The following IFI35 variants were observed in gnomAD, a reference collection of about 807,000 sequenced individuals.
IFI35 encodes interferon-induced 35 kDa protein.
A neutral mutation model predicts 28.6 loss-of-function variants in IFI35; 30 were observed. The ratio of observed to expected loss-of-function variants is 1.05; its 90% CI spans 0.79 to 1.43. The LOEUF is 1.43. Among genes scored for constraint, IFI35 ranks in the 40% most tolerant of loss-of-function variants. The pLI is 0.00. For synonymous variants in IFI35, 146 were observed against 154.8 expected, an observed-to-expected ratio of 0.94 and a Z score of 0.42; for missense variants, 372 against 356.9, an observed-to-expected ratio of 1.04 and a Z score of -0.34.
intron 1 of IFI35, 32 bp downstream of exon 1, chr17:43,007,000 G>C (rs965031012): frequency 1.2e-6 from 2 of 1,611,456 alleles, no homozygotes; most frequent in African/African-American, 2.7e-5. Context: ...GGGAAGTGGG[G>C]AAACAGGAGT....
In IFI35 at chr17:43,013,579, G is replaced by C; in HGVS notation, c.479G>C (p.Gly160Ala). 4.3e-6 allele frequency: 7 copies of C among 1,614,144 alleles called. No homozygotes were observed. The highest frequency in any genetic ancestry group is 5.9e-6 in the Non-Finnish European group (7 of 1,180,008). Reference sequence around the variant, plus strand: ...CTGGACAAGCTAGAGATCTTCTTTGGCAAGACTAGGAACGGAGGTGGCGAT... The same window carrying C: ...CTGGACAAGCTAGAGATCTTCTTTGCCAAGACTAGGAACGGAGGTGGCGAT... Reference protein sequence around the residue: ...ELLDKLEIFFGKTRNGGGDVD... With the variant: ...ELLDKLEIFFAKTRNGGGDVD... Residue 160 changes from glycine to alanine, a missense_variant, in exon 5 of 7, where the codon GGC becomes GCC. Transcript: ENST00000415816.
rs1275089790 is a variant in IFI35 at position 43,014,231 on chromosome 17, G to C, written c.793G>C (p.Val265Leu). Residue 265 changes from valine to leucine, a missense_variant, in exon 7 of 7, where the codon GTA becomes CTA. Transcript: ENST00000415816. ...GAAGCCCACCCGCGGGGGCGGGGAG[G>C]TAGAGGCCCTGACAGTCGTACCCCA... ...FQKPTRGGGEVEALTVVPQGQ... is the reference protein window; with the variant it reads ...FQKPTRGGGELEALTVVPQGQ... 1 of 1,612,304 alleles carries C rather than the reference G, an allele frequency of 6.2e-7. No individual in the cohort carries two copies. Among genetic ancestry groups the C allele is most frequent in the African/African-American group, 1.3e-5 (1 of 75,014 alleles).
intron 6 of IFI35, 62 bp downstream of exon 6, chr17:43,013,944 T>C (rs1375355937): frequency 1.4e-6 from 2 of 1,386,014 alleles, no homozygotes; most frequent in Non-Finnish European, 2.0e-6. Context: ...GCCAGGAACT[T>C]GCCCAATGAA....
rs1378702889 is a variant in IFI35, at chr17:43,012,269, A to G, written c.112A>G (p.Lys38Glu). The G allele has an allele frequency of 6.4e-7, 1 of 1,568,588 alleles. No individual in the cohort carries two copies. Among genetic ancestry groups the G allele is most frequent in the Non-Finnish European group, 8.6e-7 (1 of 1,156,182 alleles). ...QLRKELGDSP[K>E]DKVPFSVPKI... Reference sequence around the variant, plus strand: ...GAGAAAGGAGCTCGGGGACTCCCCCAAAGACAAGGTAAGGTGGGAGATCTG... The same window carrying G: ...GAGAAAGGAGCTCGGGGACTCCCCCGAAGACAAGGTAAGGTGGGAGATCTG... Residue 38 changes from lysine (K) to glutamate (E), a missense_variant, in exon 2 of 7, where the codon AAA (lysine) becomes GAA (glutamate). By Grantham distance (56) the Lys-to-Glu change is moderately conservative (BLOSUM62 1). Transcript: ENST00000415816.
intron 6 of IFI35, 41 bp from the exon 7 acceptor site, chr17:43,014,067 T>C (rs1404753064): frequency 1.3e-6 from 2 of 1,593,094 alleles, no homozygotes. Flanking sequence ...CCCCCAGCCC[T>C]TCTCCCATGA....
intron 1 of IFI35, among the ~76,000 whole-genome samples, chr17:43,011,520 A>AAAAT (rs1186386461): frequency 1.3e-5 from 2 of 152,124 alleles, no homozygotes; most frequent in Non-Finnish European, 2.9e-5. Flanking sequence ...CTCTGTCTCA[A>AAAAT]AAATAAATAA....
intron 1 of IFI35, among the ~76,000 whole-genome samples, chr17:43,008,034 CTTTT>C (rs1165440744): frequency 7.5e-6 from 1 of 132,478 alleles, no homozygotes; most frequent in Non-Finnish European, 1.6e-5. Flanking sequence ...AGGACAATCC[CTTTT>C]TTTTTTTTTT....
Position 43,013,482 on chromosome 17 carries a change from A to G in IFI35, c.382A>G (p.Ser128Gly). ...CCTTGCTGTCTCCCCCTAGATGTCC[A>G]GCCAGTTGAGTGGCCGGAGGGTGTT... Reference protein sequence around the residue: ...LPMVTTIQMSSQLSGRRVLVT... With the variant: ...LPMVTTIQMSGQLSGRRVLVT... Residue 128 changes from serine to glycine, a missense_variant, in exon 5 of 7, where the codon AGC (serine) becomes GGC (glycine). Ser to Gly is a moderately conservative substitution (Grantham distance 56). Coordinates refer to ENST00000415816, the MANE Select transcript of IFI35 (RefSeq NM_001330230.2). 3 of 1,613,920 alleles carry G rather than the reference A, an allele frequency of 1.9e-6. No homozygotes were observed. The highest frequency in any genetic ancestry group is 2.5e-6 in the Non-Finnish European group (3 of 1,179,856).
At position 43,013,485 on chromosome 17, in the gene IFI35, CA is replaced by C; in HGVS notation, c.386del (p.Gln129ArgfsTer2). On this transcript the variant is annotated frameshift_variant, in exon 5 of 7. Transcript: ENST00000415816. LOFTEE classifies it high-confidence loss of function. Reference protein sequence around the residue: ...PMVTTIQMSSQLSGRRVLVTG... With the variant: ...PMVTTIQMSSXLSGRRVLVTG... ...TGCTGTCTCCCCCTAGATGTCCAGC[CA>C]GTTGAGTGGCCGGAGGGTGTTGGTC... is the stretch of plus-strand genomic sequence containing the variant. The C allele has an allele frequency of 1.2e-6, 2 of 1,613,896 alleles. No homozygotes were observed. The highest frequency in any genetic ancestry group is 1.7e-6 in the Non-Finnish European group (2 of 1,179,882).
At chr17:43,011,782 C>T (rs558778176) in intron 1 of IFI35, among the ~76,000 whole-genome samples, 91 of 152,292 alleles carry the variant, frequency 6.0e-4, no homozygotes, top group African/African-American at 2.0e-3. Flanking sequence ...TTCCAAATTC[C>T]GGCTGCCCTT....
chr17:43,007,169 C>T (rs2050414822), intron 1 of IFI35, among the ~76,000 whole-genome samples: 1 of 152,152 alleles, frequency 6.6e-6, no homozygotes, highest in Non-Finnish European at 1.5e-5. Context: ...AGGAGGAGCT[C>T]ATTAAATCCT....
At chr17:43,012,621 C>A in intron 2 of IFI35, 1 of 232,568 alleles carries the variant, frequency 4.3e-6, no homozygotes, top group Non-Finnish European at 8.5e-6. Flanking sequence ...GCCTGTAATC[C>A]CAGCTACTTG....
intron 1 of IFI35, 77 bp downstream of exon 1, chr17:43,007,045 G>A (rs2050413790): frequency 6.7e-7 from 1 of 1,492,750 alleles, no homozygotes; most frequent in Non-Finnish European, 9.3e-7. Context: ...GATATCTCAG[G>A]GCCTGGCAGC....
In IFI35 at chr17:43,006,967, CCG is replaced by C. The variant is rs1462746982; in HGVS notation, c.21_21+1del. ...AGACCCATGTCAGCCCCACTGGATG[CCG>C]TAAGTGAGGAGGAGGGAGTTGGGAA... On this transcript the variant is annotated splice_donor_variant and coding_sequence_variant, in exon 1 of 7. Transcript: ENST00000415816. LOFTEE classifies it high-confidence loss of function. 1.2e-6 allele frequency: 2 copies of C among 1,613,824 alleles called. No individual in the cohort carries two copies. Among genetic ancestry groups the C allele is most frequent in the Admixed American group, 1.7e-5 (1 of 59,976 alleles).
At chr17:43,014,027 C>T (rs1355267126) in intron 6 of IFI35, 81 bp from the exon 7 acceptor site, 2 of 1,435,354 alleles carry the variant, frequency 1.4e-6, no homozygotes, top group East Asian at 4.6e-5. Flanking sequence ...ACCTCATACC[C>T]CCATGGGGCA....
intron 1 of IFI35, among the ~76,000 whole-genome samples, chr17:43,009,290 C>T: frequency 6.6e-6 from 1 of 152,150 alleles, no homozygotes; most frequent in African/African-American, 2.4e-5. Flanking sequence ...TGTGCCACAA[C>T]AACCTGCCCA....
Position 43,013,589 on chromosome 17 carries a change from G to A in IFI35, c.489G>A (p.Arg163=), listed in dbSNP as rs1283331467. 1.2e-6 allele frequency: 2 copies of A among 1,614,152 alleles called. No individual in the cohort carries two copies. Among genetic ancestry groups the A allele is most frequent in the Non-Finnish European group, 1.7e-6 (2 of 1,180,004 alleles). The change falls in exon 5 of 7, where the codon AGG becomes AGA. Residue 163 remains arginine (R), a synonymous_variant. Coordinates refer to ENST00000415816, the MANE Select transcript of IFI35 (RefSeq NM_001330230.2). ...DKLEIFFGKT[R]NGGGDVDVRE... The stretch of plus-strand genomic sequence containing the variant: ...TAGAGATCTTCTTTGGCAAGACTAG[G>A]AACGGAGGTGGCGATGTGGACGTTC...
Position 43,007,847 on chromosome 17 carries a change from T to TTTTATATATATATATATATATA in IFI35, c.21+880_21+881insTTATATATATATATATATATAT, listed in dbSNP as rs1375752219. On this transcript the variant is annotated intron_variant, in intron 1 of 6. Coordinates refer to ENST00000415816, the MANE Select transcript of IFI35 (RefSeq NM_001330230.2). ...TCTCACACACACACACACACAAAAT[T>TTTTATATATATATATATATATA]TATATATATATATATATATATATAT... Among the ~76,000 whole-genome samples, 635 of 118,702 alleles carry TTTTATATATATATATATATATA rather than the reference T, an allele frequency of 5.3e-3. 7 individuals are homozygous for TTTTATATATATATATATATATA. The highest frequency in any genetic ancestry group is 0.011 in the South Asian group (40 of 3,648). The allele number at this position is 118,702 out of a possible 152,430, so 77.9% of individuals were successfully genotyped here.
rs1375752219 is a variant in IFI35, at chr17:43,007,847, T to TTTTATATATATATATATATATATATA, written c.21+880_21+881insTTATATATATATATATATATATATAT. ...TCTCACACACACACACACACAAAAT[T>TTTTATATATATATATATATATATATA]TATATATATATATATATATATATAT... On this transcript the variant is annotated intron_variant, in intron 1 of 6. Coordinates refer to ENST00000415816, the MANE Select transcript of IFI35 (RefSeq NM_001330230.2). 4.5e-3 allele frequency among the ~76,000 whole-genome samples: 533 copies of TTTTATATATATATATATATATATATA among 118,678 alleles called. 5 individuals are homozygous for TTTTATATATATATATATATATATATA. Among genetic ancestry groups the TTTTATATATATATATATATATATATA allele is most frequent in the Non-Finnish European group, 6.5e-3 (394 of 60,908 alleles). 77.9% of individuals were successfully genotyped at this position (118,678 alleles called of 152,430 possible). A position where few individuals can be genotyped will look rare whatever the true frequency, so the allele number is the denominator to read the frequency against.
Sources: allele counts gnomAD v4.1 joint callset (sites outside exome capture counted in the v4.1 genomes callset), GRCh38; gene constraint gnomAD v4.1.1; transcripts MANE v1.5; gene names NCBI Gene and HGNC (gene_info 2026-07-23, HGNC 2026-07-21).